TCERG1L: variants seen among roughly 807,000 people sequenced by gnomAD.
TCERG1L encodes the protein transcription elongation regulator 1-like protein.
Under a neutral mutation model 56.3 loss-of-function variants are expected in TCERG1L, and 37 were observed. That is an observed-to-expected ratio of 0.66 (90% confidence interval 0.51 to 0.87). TCERG1L has a LOEUF of 0.87. Among genes scored for constraint, TCERG1L ranks in the 40% least tolerant of loss-of-function variants. The pLI is 0.00. For synonymous variants in TCERG1L, 324 were observed against 326.3 expected (o/e 0.99, Z 0.08); for missense variants, 799 against 774.2 (o/e 1.03, Z -0.38).
At position 131,186,312 on chromosome 10, in the gene TCERG1L, G is replaced by A. The variant is rs117659579; in HGVS notation, c.857-19427C>T. Among the ~76,000 whole-genome samples, 1,107 of 152,272 alleles carry A rather than the reference G, an allele frequency of 7.3e-3. 30 individuals are homozygous for A. In the South Asian group the frequency reaches 0.095, roughly 13 times the overall value. On this transcript the variant is annotated intron_variant, in intron 4 of 11. Transcript: ENST00000368642. ...GGTGGTTGAGCAACATGGTAATTGC[G>A]CTCAATGCTGCTGAATTGCTCACTT...
At chr10:131,306,682 T>C (rs939364179) in intron 3 of TCERG1L, among the ~76,000 whole-genome samples, 1 of 152,114 alleles carries the variant, frequency 6.6e-6, no homozygotes, top group Non-Finnish European at 1.5e-5. Context: ...TGTAAAAATT[T>C]AAAAAATAGA....
chr10:131,223,007 T>C (rs1845751436), intron 4 of TCERG1L, among the ~76,000 whole-genome samples: 1 of 152,176 alleles, frequency 6.6e-6, no homozygotes. Context: ...GTTCCATCCC[T>C]GATGGTGACT....
At chr10:131,187,722 C>T (rs1845261100) in intron 4 of TCERG1L, among the ~76,000 whole-genome samples, 1 of 152,180 alleles carries the variant, frequency 6.6e-6, no homozygotes, top group South Asian at 2.1e-4. Context: ...TACAATACTG[C>T]CCCCAAGAGA....
chr10:131,110,299 C>T (rs1424600396), intron 9 of TCERG1L, among the ~76,000 whole-genome samples: 4 of 152,196 alleles, frequency 2.6e-5, no homozygotes, highest in South Asian at 2.1e-4. Flanking sequence ...AACCACCCTC[C>T]TCCCTGCCGT....
At chr10:131,281,332 CTT>C (rs1225979268) in intron 3 of TCERG1L, among the ~76,000 whole-genome samples, 1 of 152,210 alleles carries the variant, frequency 6.6e-6, no homozygotes, top group African/African-American at 2.4e-5. Context: ...CACCGTGCAG[CTT>C]TGTCTGTATC....
At chr10:131,107,726 T>A (rs1046725667) in intron 9 of TCERG1L, among the ~76,000 whole-genome samples, 1 of 127,140 alleles carries the variant, frequency 7.9e-6, no homozygotes, top group Non-Finnish European at 1.8e-5. Flanking sequence ...ATTGCACACA[T>A]GTGTGTGACT....
chr10:131,192,275 C>T (rs1228115963), intron 4 of TCERG1L, among the ~76,000 whole-genome samples: 2 of 144,252 alleles, frequency 1.4e-5, no homozygotes, highest in Non-Finnish European at 3.1e-5. Flanking sequence ...TGAAAAAATG[C>T]TTAACATAGT....
At chr10:131,192,324 T>A (rs1430998845) in intron 4 of TCERG1L, among the ~76,000 whole-genome samples, 1 of 144,092 alleles carries the variant, frequency 6.9e-6, no homozygotes, top group East Asian at 1.9e-4. Flanking sequence ...CACAATGAGA[T>A]AACATCTTAC....
At chr10:131,187,121 G>C (rs1275547307) in intron 4 of TCERG1L, among the ~76,000 whole-genome samples, 1 of 152,202 alleles carries the variant, frequency 6.6e-6, no homozygotes, top group Admixed American at 6.5e-5. Context: ...TGAGCTCCGA[G>C]GGAAATAGAG....
intron 4 of TCERG1L, among the ~76,000 whole-genome samples, chr10:131,219,719 T>C (rs1845710964): frequency 6.6e-6 from 1 of 152,170 alleles, no homozygotes; most frequent in African/African-American, 2.4e-5. Flanking sequence ...CCCTGGGGCG[T>C]TCGGGGCTGG....
chr10:131,288,026 T>C (rs1455534754), intron 3 of TCERG1L, among the ~76,000 whole-genome samples: 1 of 152,198 alleles, frequency 6.6e-6, no homozygotes, highest in Non-Finnish European at 1.5e-5. Context: ...TTCTTCCAGA[T>C]GGTGTAATTT....
intron 3 of TCERG1L, among the ~76,000 whole-genome samples, chr10:131,296,137 C>T (rs1049137542): frequency 5.3e-5 from 8 of 152,126 alleles, no homozygotes; most frequent in South Asian, 2.1e-4. Context: ...GTCATCAATG[C>T]ATTTTCTAAT....
intron 6 of TCERG1L, among the ~76,000 whole-genome samples, chr10:131,155,474 G>C (rs542016046): frequency 6.6e-6 from 1 of 152,332 alleles, no homozygotes; most frequent in Non-Finnish European, 1.5e-5. Context: ...GAGAACACAG[G>C]TTTCTGCACA....
chr10:131,193,904 C>A (rs1483534160), intron 4 of TCERG1L, among the ~76,000 whole-genome samples: 1 of 152,212 alleles, frequency 6.6e-6, no homozygotes, highest in African/African-American at 2.4e-5. Flanking sequence ...CTGGAAAGCA[C>A]AGCCCTGTGT....
chr10:131,110,459 T>A (rs1021009285), intron 9 of TCERG1L, among the ~76,000 whole-genome samples: 7 of 152,162 alleles, frequency 4.6e-5, no homozygotes, highest in Non-Finnish European at 8.8e-5. Flanking sequence ...AGCTGAGCTG[T>A]GAGTGGCTCC....
chr10:131,108,319 T>A (rs1845374724), intron 9 of TCERG1L, among the ~76,000 whole-genome samples: 1 of 152,228 alleles, frequency 6.6e-6, no homozygotes, highest in African/African-American at 2.4e-5. Context: ...TTTCTGGGAT[T>A]CCTCGGTTAC....
intron 4 of TCERG1L, among the ~76,000 whole-genome samples, chr10:131,191,886 A>AAAAAAAAAAAAAAAAAAAAAC (rs1845308117): frequency 7.3e-6 from 1 of 136,616 alleles, no homozygotes; most frequent in African/African-American, 2.7e-5. Flanking sequence ...AAAAAAAAAA[A>AAAAAAAAAAAAAAAAAAAAAC]AAAGAAAAAA....
rs113794372 is a variant in TCERG1L, at chr10:131,142,593, C to T, written c.1189+3913G>A. The stretch of plus-strand genomic sequence containing the variant: ...CTAGGGAAGGACAGTGTTGAGTGCA[C>T]GGCTGCTGCAGCTGCTGCCTGGTGA... On this transcript the variant is annotated intron_variant, in intron 7 of 11. Transcript: ENST00000368642. 6.4e-4 allele frequency among the ~76,000 whole-genome samples: 97 copies of T among 152,278 alleles called. 2 individuals carry two copies. The highest frequency in any genetic ancestry group is 1.7e-3 in the African/African-American group (72 of 41,560).
At chr10:131,273,917 C>A (rs1846366771) in intron 3 of TCERG1L, among the ~76,000 whole-genome samples, 1 of 152,178 alleles carries the variant, frequency 6.6e-6, no homozygotes, top group African/African-American at 2.4e-5. Flanking sequence ...AGAAACTATT[C>A]CCCCGTGAAA....
Sources: allele counts gnomAD v4.1 joint callset (sites outside exome capture counted in the v4.1 genomes callset), GRCh38; gene constraint gnomAD v4.1.1; transcripts MANE v1.5; gene names NCBI Gene and HGNC (gene_info 2026-07-23, HGNC 2026-07-21).